GPC5: variants seen among roughly 807,000 people sequenced by gnomAD.
GPC5 encodes the protein glypican 5.
Under a neutral mutation model 53.9 loss-of-function variants are expected in GPC5, and 47 were observed. The ratio of observed to expected loss-of-function variants is 0.87; its 90% CI spans 0.69 to 1.11. GPC5 has a LOEUF of 1.11. Ranked by LOEUF, GPC5 falls within the 50% of genes most tolerant of loss-of-function variation. The pLI, the probability that GPC5 is intolerant of heterozygous loss-of-function variation, is 0.00. For synonymous variants in GPC5, 286 were observed against 263.3 expected, an observed-to-expected ratio of 1.09 and a Z score of -0.84; for missense variants, 748 against 713.1, an observed-to-expected ratio of 1.05 and a Z score of -0.56.
chr13:92,498,917 G>C (rs1219197608), intron 7 of GPC5, among the ~76,000 whole-genome samples: 1 of 151,956 alleles, frequency 6.6e-6, no homozygotes, highest in Non-Finnish European at 1.5e-5. Flanking sequence ...AAATCATCAG[G>C]TTTCCCCAAT....
At chr13:92,651,956 A>AG (rs1350885301) in intron 7 of GPC5, among the ~76,000 whole-genome samples, 1 of 152,080 alleles carries the variant, frequency 6.6e-6, no homozygotes, top group Non-Finnish European at 1.5e-5. Flanking sequence ...TGTAAAAAAA[A>AG]GCAAATTGCA....
At chr13:92,470,435 A>G (rs374444323) in intron 7 of GPC5, among the ~76,000 whole-genome samples, 1 of 152,116 alleles carries the variant, frequency 6.6e-6, no homozygotes. Context: ...ACATAGGTAT[A>G]TATGTGCCAT....
intron 2 of GPC5, among the ~76,000 whole-genome samples, chr13:91,519,205 G>A (rs1396169744): frequency 6.6e-6 from 1 of 152,162 alleles, no homozygotes. Context: ...TCCAATCACT[G>A]TACCTTATGC....
intron 2 of GPC5, among the ~76,000 whole-genome samples, chr13:91,488,082 A>G (rs1337958416): frequency 6.6e-6 from 1 of 152,140 alleles, no homozygotes; most frequent in South Asian, 2.1e-4. Flanking sequence ...AGAGAGAAAT[A>G]CATATATGTA....
chr13:92,665,434 T>G (rs1886536678), intron 7 of GPC5, among the ~76,000 whole-genome samples: 1 of 152,184 alleles, frequency 6.6e-6, no homozygotes, highest in Non-Finnish European at 1.5e-5. Context: ...TCTTGACCCT[T>G]GGCCCCAGTG....
At chr13:91,465,159 A>G (rs1882161337) in intron 2 of GPC5, among the ~76,000 whole-genome samples, 2 of 152,090 alleles carry the variant, frequency 1.3e-5, no homozygotes, top group Admixed American at 6.6e-5. Flanking sequence ...TAAATTGTCT[A>G]TAATCTTCTT....
chr13:92,404,065 G>C (rs191497962), intron 7 of GPC5, among the ~76,000 whole-genome samples: 1 of 152,050 alleles, frequency 6.6e-6, no homozygotes, highest in Admixed American at 6.5e-5. Context: ...TTATGAACTT[G>C]TCCAATATTC....
intron 7 of GPC5, among the ~76,000 whole-genome samples, chr13:92,435,556 T>C (rs1877270906): frequency 1.3e-5 from 2 of 152,138 alleles, no homozygotes; most frequent in Non-Finnish European, 2.9e-5. Context: ...GTGGGAAATA[T>C]GATGTGAGCA....
At chr13:92,366,436 C>T (rs1014439238) in intron 7 of GPC5, among the ~76,000 whole-genome samples, 3 of 151,726 alleles carry the variant, frequency 2.0e-5, no homozygotes, top group Non-Finnish European at 2.9e-5. Context: ...ATCCCTCATA[C>T]ATAACTTTGA....
chr13:92,412,539 T>C (rs1876093109), intron 7 of GPC5, among the ~76,000 whole-genome samples: 1 of 152,210 alleles, frequency 6.6e-6, no homozygotes, highest in African/African-American at 2.4e-5. Flanking sequence ...CTTTGCAAGA[T>C]TTTGTGACAT....
intron 5 of GPC5, among the ~76,000 whole-genome samples, chr13:91,826,908 A>G (rs1390562533): frequency 6.6e-6 from 1 of 152,048 alleles, no homozygotes; most frequent in Non-Finnish European, 1.5e-5. Flanking sequence ...TTAAGAGTGG[A>G]AAGATGGTTA....
At chr13:92,185,021 A>G (rs955859434) in intron 7 of GPC5, among the ~76,000 whole-genome samples, 10 of 152,196 alleles carry the variant, frequency 6.6e-5, no homozygotes, top group African/African-American at 2.4e-4. Flanking sequence ...AATTTTGCAA[A>G]TTAAGTAAGT....
intron 7 of GPC5, among the ~76,000 whole-genome samples, chr13:92,657,121 T>C (rs1276931100): frequency 6.6e-6 from 1 of 152,230 alleles, no homozygotes; most frequent in Non-Finnish European, 1.5e-5. Flanking sequence ...TCTCATTAGA[T>C]GGTGAATATT....
intron 5 of GPC5, among the ~76,000 whole-genome samples, chr13:91,903,937 A>C (rs758428749): frequency 1.7e-4 from 26 of 151,988 alleles, no homozygotes; most frequent in Non-Finnish European, 3.5e-4. Context: ...AGCTTAATTA[A>C]AATTAAGAAA....
intron 6 of GPC5, among the ~76,000 whole-genome samples, chr13:92,011,611 T>C (rs1457626865): frequency 2.6e-5 from 4 of 152,160 alleles, no homozygotes; most frequent in African/African-American, 9.7e-5. Flanking sequence ...GATATAATAA[T>C]GTGGCATCCT....
chr13:91,572,781 A>T (rs1566518434), intron 2 of GPC5, among the ~76,000 whole-genome samples: 2 of 152,112 alleles, frequency 1.3e-5, no homozygotes, highest in South Asian at 2.1e-4. Context: ...CTTCCCAAAA[A>T]AAGATAGTCA....
chr13:91,492,874 G>A (rs1884016444), intron 2 of GPC5, among the ~76,000 whole-genome samples: 1 of 152,020 alleles, frequency 6.6e-6, no homozygotes, highest in South Asian at 2.1e-4. Context: ...CTCATTATTA[G>A]AAATAACCAA....
chr13:91,618,437 T>C (rs1255528692), intron 2 of GPC5, among the ~76,000 whole-genome samples: 1 of 152,074 alleles, frequency 6.6e-6, no homozygotes, highest in East Asian at 1.9e-4. Context: ...TTACATAATA[T>C]TCAATGTGAT....
chr13:92,082,742 G>A lies in GPC5; in HGVS notation c.1402-62088G>A, dbSNP rs572943755. Among the ~76,000 whole-genome samples the A allele has an allele frequency of 2.6e-5, 4 of 152,224 alleles. No homozygotes were observed. In the South Asian group the frequency reaches 8.3e-4, roughly 32 times the overall value. On this transcript the variant is annotated intron_variant, in intron 6 of 7. Coordinates refer to ENST00000377067, the MANE Select transcript of GPC5 (RefSeq NM_004466.6). ...AGCCATTATTCAATTATGAGAAAGA[G>A]GGAAGTGAAATATCTGCCAAATACT...
Sources: allele counts gnomAD v4.1 joint callset (sites outside exome capture counted in the v4.1 genomes callset), GRCh38; gene constraint gnomAD v4.1.1; transcripts MANE v1.5; gene names NCBI Gene and HGNC (gene_info 2026-07-23, HGNC 2026-07-21).